PDE4B: variants seen among roughly 807,000 people sequenced by gnomAD.
PDE4B encodes the protein 3',5'-cyclic-AMP phosphodiesterase 4B.
In PDE4B, 20 loss-of-function variants were observed where a neutral mutation model predicts 82.2. The observed-to-expected ratio is 0.24, with a 90% CI of 0.17 to 0.35. The LOEUF is 0.35. Ranked by LOEUF, PDE4B falls within the 10% of genes least tolerant of loss-of-function variation. PDE4B has a pLI of 1.00. For missense variants in PDE4B, 655 were observed against 907.2 expected, an observed-to-expected ratio of 0.72 and a Z score of 3.57; for synonymous variants, 320 against 318.9, an observed-to-expected ratio of 1.00 and a Z score of -0.04.
chr1:65,816,791 G>A (rs1462474915), intron 1 of PDE4B, among the ~76,000 whole-genome samples: 2 of 152,100 alleles, frequency 1.3e-5, no homozygotes, highest in African/African-American at 2.4e-5. Flanking sequence ...AATACTATAT[G>A]TGTGTTTTAA....
At chr1:66,372,206 A>C in intron 16 of PDE4B, 107 bp from the exon 17 acceptor site, 1 of 1,154,486 alleles carries the variant, frequency 8.7e-7, no homozygotes, top group Admixed American at 2.3e-5. Flanking sequence ...ATTATGATTG[A>C]TCTTTCTGAA....
chr1:66,225,560 C>T (rs1473987546), intron 3 of PDE4B, among the ~76,000 whole-genome samples: 1 of 152,172 alleles, frequency 6.6e-6, no homozygotes, highest in Non-Finnish European at 1.5e-5. Context: ...GCTCCCATGG[C>T]ATTTCTCCTG....
chr1:66,242,179 A>C (rs754061249), intron 3 of PDE4B, among the ~76,000 whole-genome samples: 12 of 152,264 alleles, frequency 7.9e-5, no homozygotes, highest in Non-Finnish European at 1.8e-4. Context: ...TAATGAAAAG[A>C]GGTCACACCT....
At chr1:66,092,827 A>G (rs1020694981) in intron 3 of PDE4B, among the ~76,000 whole-genome samples, 4 of 151,990 alleles carry the variant, frequency 2.6e-5, no homozygotes, top group African/African-American at 7.2e-5. Context: ...ACTTTAGAGG[A>G]GCCCAAAGAA....
chr1:66,152,195 A>G (rs1646408690), intron 3 of PDE4B, among the ~76,000 whole-genome samples: 1 of 152,182 alleles, frequency 6.6e-6, no homozygotes, highest in Admixed American at 6.5e-5. Flanking sequence ...AGTGATCATA[A>G]TAACAGCACT....
chr1:66,086,468 T>A (rs563328385), intron 3 of PDE4B, among the ~76,000 whole-genome samples: 1 of 152,280 alleles, frequency 6.6e-6, no homozygotes, highest in African/African-American at 2.4e-5. Context: ...TTCACAACTA[T>A]TCTTTACATT....
chr1:66,355,433 A>G (rs920310577), intron 8 of PDE4B, 94 bp from the exon 9 acceptor site: 7 of 695,090 alleles, frequency 1.0e-5, no homozygotes, highest in African/African-American at 9.0e-5. Context: ...TGCTCATCCA[A>G]CCTCTTGATT....
In PDE4B at chr1:66,103,678, C is replaced by T. The variant is rs189238457; in HGVS notation, c.282-143782C>T. Among the ~76,000 whole-genome samples, 5 of 152,158 alleles carry T rather than the reference C, an allele frequency of 3.3e-5. No individual in the cohort carries two copies. In the East Asian group the frequency reaches 9.6e-4, roughly 29 times the overall value. On this transcript the variant is annotated intron_variant, in intron 3 of 16. Transcript: ENST00000341517. Reference sequence around the variant, plus strand: ...ATAGATAAATAAGGTATTTCCATAGCATTCAGTTGGTGTGACAATCATTAT... The same window carrying T: ...ATAGATAAATAAGGTATTTCCATAGTATTCAGTTGGTGTGACAATCATTAT...
intron 3 of PDE4B, among the ~76,000 whole-genome samples, chr1:66,104,624 T>C (rs1177345005): frequency 2.7e-5 from 4 of 147,818 alleles, no homozygotes; most frequent in Admixed American, 6.8e-5. Context: ...TTTTAATGAT[T>C]GCCATTCTAA....
chr1:66,340,599 A>G (rs891710728), intron 8 of PDE4B, among the ~76,000 whole-genome samples: 3 of 152,160 alleles, frequency 2.0e-5, no homozygotes, highest in African/African-American at 7.2e-5. Flanking sequence ...CAAAATAATT[A>G]TAATTTTTTA....
At chr1:65,882,331 A>C (rs1646717606) in intron 1 of PDE4B, among the ~76,000 whole-genome samples, 1 of 152,218 alleles carries the variant, frequency 6.6e-6, no homozygotes, top group Admixed American at 6.6e-5. Context: ...GTCACTGACT[A>C]GGTTTCAGAA....
At chr1:66,329,751 T>C (rs1230235636) in intron 7 of PDE4B, among the ~76,000 whole-genome samples, 1 of 152,236 alleles carries the variant, frequency 6.6e-6, no homozygotes, top group Non-Finnish European at 1.5e-5. Context: ...ATCCTTCTTC[T>C]ACAGATGTAT....
intron 3 of PDE4B, among the ~76,000 whole-genome samples, chr1:66,160,012 A>T (rs1431554270): frequency 6.6e-6 from 1 of 152,164 alleles, no homozygotes; most frequent in Non-Finnish European, 1.5e-5. Flanking sequence ...TTTAATAGGG[A>T]CTTTACATAC....
intron 3 of PDE4B, among the ~76,000 whole-genome samples, chr1:66,037,585 T>C (rs1458002645): frequency 6.6e-6 from 1 of 152,158 alleles, no homozygotes; most frequent in Non-Finnish European, 1.5e-5. Context: ...TACTTCATCA[T>C]TTCCTATTTT....
At chr1:66,016,967 C>G (rs1465906696) in intron 3 of PDE4B, among the ~76,000 whole-genome samples, 2 of 152,082 alleles carry the variant, frequency 1.3e-5, no homozygotes, top group Non-Finnish European at 2.9e-5. Flanking sequence ...AGAGTATGGG[C>G]TCTTTGGCCA....
At chr1:65,931,246 G>A (rs1647815446) in intron 3 of PDE4B, among the ~76,000 whole-genome samples, 1 of 152,120 alleles carries the variant, frequency 6.6e-6, no homozygotes, top group African/African-American at 2.4e-5. Flanking sequence ...TATGCTTCCT[G>A]TACAGCCTGC....
At chr1:66,141,924 C>A (rs541957899) in intron 3 of PDE4B, among the ~76,000 whole-genome samples, 29 of 152,172 alleles carry the variant, frequency 1.9e-4, no homozygotes, top group Admixed American at 1.2e-3. Context: ...AGTTCCAAAT[C>A]GAATATTACT....
intron 3 of PDE4B, among the ~76,000 whole-genome samples, chr1:66,133,664 C>T (rs1309376546): frequency 1.3e-5 from 2 of 152,154 alleles, no homozygotes; most frequent in Non-Finnish European, 2.9e-5. Flanking sequence ...GCATGTGTTA[C>T]CTCCTTGTAA....
At chr1:66,166,414 T>G (rs1395756563) in intron 3 of PDE4B, among the ~76,000 whole-genome samples, 2 of 152,064 alleles carry the variant, frequency 1.3e-5, no homozygotes, top group Non-Finnish European at 2.9e-5. Context: ...AGTGAAAAAC[T>G]TTTTGTTCTT....
Sources: gnomAD v4.1 joint callset for allele counts (sites outside exome capture counted in the v4.1 genomes callset) on GRCh38, gnomAD v4.1.1 for gene constraint, MANE v1.5 for transcripts, NCBI Gene and HGNC (gene_info 2026-07-23, HGNC 2026-07-21) for gene names.